The following KPNA1 variants were observed in gnomAD, a reference collection of about 807,000 sequenced individuals.
KPNA1 encodes karyopherin subunit alpha 1, also known as importin subunit alpha-5.
Under a neutral mutation model 70.5 loss-of-function variants are expected in KPNA1, and 10 were observed. The observed-to-expected ratio is 0.14, with a 90% CI of 0.09 to 0.24. The LOEUF is 0.24. Among genes scored for constraint, KPNA1 ranks in the 10% least tolerant of loss-of-function variants. KPNA1 has a pLI of 1.00. For synonymous variants in KPNA1, 192 were observed against 221.9 expected (o/e 0.87, Z 1.20); for missense variants, 397 against 637.9 (o/e 0.62, Z 4.07).
At chr3:122,478,894 C>CAAAAAAAAA (rs57843662) in intron 2 of KPNA1, among the ~76,000 whole-genome samples, 13 of 18,674 alleles carry the variant, frequency 7.0e-4, no homozygotes, top group Admixed American at 1.7e-3. Flanking sequence ...AACCTCGTCT[C>CAAAAAAAAA]AAAAAAAAAA....
chr3:122,496,196 G>A, intron 2 of KPNA1, among the ~76,000 whole-genome samples: 1 of 152,042 alleles, frequency 6.6e-6, no homozygotes, highest in East Asian at 1.9e-4. Context: ...TGAAAATATT[G>A]AATAGTGTAG....
chr3:122,452,179 A>T (rs1001313519), intron 6 of KPNA1, 115 bp from the exon 7 acceptor site: 5 of 763,376 alleles, frequency 6.5e-6, no homozygotes, highest in Non-Finnish European at 1.2e-5. Flanking sequence ...AAACAGTTGT[A>T]GGATTGGGGG....
At chr3:122,434,070 G>A (rs1445828568) in intron 11 of KPNA1, among the ~76,000 whole-genome samples, 1 of 152,050 alleles carries the variant, frequency 6.6e-6, no homozygotes, top group Non-Finnish European at 1.5e-5. Context: ...CCGGGTAGCT[G>A]GGACTACAGG....
intron 12 of KPNA1, chr3:122,433,370 T>C: frequency 3.8e-6 from 1 of 266,606 alleles, no homozygotes; most frequent in Admixed American, 5.3e-5. Flanking sequence ...AGCAAGGATT[T>C]CTATTGCCTC....
At chr3:122,498,502 A>G (rs1046158593) in intron 1 of KPNA1, among the ~76,000 whole-genome samples, 4 of 152,182 alleles carry the variant, frequency 2.6e-5, no homozygotes, top group Non-Finnish European at 4.4e-5. Context: ...CTGGTATTTC[A>G]TTACAGCAAC....
chr3:122,446,116 G>A (rs187739934), intron 9 of KPNA1, among the ~76,000 whole-genome samples: 7 of 152,196 alleles, frequency 4.6e-5, no homozygotes, highest in East Asian at 3.9e-4. Flanking sequence ...AGATCAACAC[G>A]ACAGAAGGTT....
At chr3:122,464,316 C>A (rs111360808) in intron 3 of KPNA1, 5,332 of 300,318 alleles carry the variant, frequency 0.018, 228 homozygotes, top group African/African-American at 0.097. Context: ...TTGCTCATCA[C>A]ATAGCTGGCT....
chr3:122,476,875 A>AC (rs1167675452), intron 2 of KPNA1, among the ~76,000 whole-genome samples: 12 of 150,446 alleles, frequency 8.0e-5, no homozygotes, highest in African/African-American at 2.9e-4. Flanking sequence ...AAAAAAAAAA[A>AC]AAAAAAAAAC....
At chr3:122,488,624 T>G (rs1478060695) in intron 2 of KPNA1, among the ~76,000 whole-genome samples, 1 of 152,254 alleles carries the variant, frequency 6.6e-6, no homozygotes, top group Non-Finnish European at 1.5e-5. Flanking sequence ...ATCCAGGACA[T>G]TATTTTACTT....
At chr3:122,464,302 C>A in intron 3 of KPNA1, 1 of 322,764 alleles carries the variant, frequency 3.1e-6, no homozygotes, top group Non-Finnish European at 5.6e-6. Context: ...TGCTCTTCCC[C>A]TCCTTGCTCA....
At chr3:122,505,700 ACT>A (rs2076883066) in intron 1 of KPNA1, among the ~76,000 whole-genome samples, 1 of 152,134 alleles carries the variant, frequency 6.6e-6, no homozygotes, top group African/African-American at 2.4e-5. Flanking sequence ...ATAGAAACAC[ACT>A]CTTTCAAAGA....
chr3:122,490,612 T>C (rs758359558), intron 2 of KPNA1, among the ~76,000 whole-genome samples: 2 of 152,214 alleles, frequency 1.3e-5, no homozygotes, highest in Non-Finnish European at 2.9e-5. Flanking sequence ...AGAAAACTTC[T>C]TTGCTTTATA....
Position 122,427,306 on chromosome 3 carries a change from A to G in KPNA1, c.1430-134T>C, listed in dbSNP as rs139956187. 1.6e-3 allele frequency: 1,255 copies of G among 772,782 alleles called. 1 individual carries two copies. The highest frequency in any genetic ancestry group is 5.1e-3 in the African/African-American group (288 of 57,020). 47.9% of individuals were successfully genotyped at this position (772,782 alleles called of 1,614,324 possible). On this transcript the variant is annotated intron_variant, in intron 13 of 13. Transcript: ENST00000344337. ...TGTAAAGAAAGATTATTTGTATCTCATAAGTATTTTATAATAGCACAGAAA... is the reference window on the plus strand; with the variant it reads ...TGTAAAGAAAGATTATTTGTATCTCGTAAGTATTTTATAATAGCACAGAAA...
chr3:122,461,521 A>G (rs895056586), intron 4 of KPNA1, among the ~76,000 whole-genome samples: 8 of 152,214 alleles, frequency 5.3e-5, no homozygotes, highest in Non-Finnish European at 1.0e-4. Context: ...ACAAGTCTCA[A>G]TATGAGAATA....
chr3:122,491,850 A>ATTTTTTTTTTTT (rs67916227), intron 2 of KPNA1, among the ~76,000 whole-genome samples: 1 of 64,826 alleles, frequency 1.5e-5, no homozygotes, highest in African/African-American at 5.7e-5. Flanking sequence ...TGACCATCAC[A>ATTTTTTTTTTTT]TTTTTTTTTT....
At chr3:122,510,755 G>A (rs2076946491) in intron 1 of KPNA1, among the ~76,000 whole-genome samples, 1 of 152,142 alleles carries the variant, frequency 6.6e-6, no homozygotes, top group Non-Finnish European at 1.5e-5. Context: ...GCAAACACAA[G>A]AGGAAACAGC....
intron 2 of KPNA1, among the ~76,000 whole-genome samples, chr3:122,494,009 GT>G (rs1028520218): frequency 2.0e-5 from 3 of 151,984 alleles, no homozygotes; most frequent in African/African-American, 4.8e-5. Flanking sequence ...TAATGGAGTT[GT>G]TTTTTTCTTG....
chr3:122,503,990 C>T lies in KPNA1; in HGVS notation c.-5-7420G>A, dbSNP rs149498243. ...GGTGGAACACAGAAGAATTCTAGGG[C>T]AGGAAAACTATTCTGTATGATACAA... On this transcript the variant is annotated intron_variant, in intron 1 of 13. Transcript: ENST00000344337. Among the ~76,000 whole-genome samples the T allele has an allele frequency of 3.4e-3, 524 of 152,238 alleles. 2 individuals carry two copies. The highest frequency in any genetic ancestry group is 0.012 in the African/African-American group (484 of 41,520).
Position 122,476,861 on chromosome 3 carries a change from C to CAAAAAAAAAAA in KPNA1, c.130-9443_130-9433dup, listed in dbSNP as rs144118691. ...TATGAAAAACAGTATGGAGGTTCCACAAAAAAAAAAAAAAAAAAAAAAACT... is the reference window on the plus strand; with the variant it reads ...TATGAAAAACAGTATGGAGGTTCCACAAAAAAAAAAAAAAAAAAAAAAAAAAAAAAAAAACT... On this transcript the variant is annotated intron_variant, in intron 2 of 13. Coordinates refer to ENST00000344337, the MANE Select transcript of KPNA1 (RefSeq NM_002264.4). Among the ~76,000 whole-genome samples the CAAAAAAAAAAA allele has an allele frequency of 3.1e-3, 204 of 65,384 alleles. 1 individual carries two copies. Among genetic ancestry groups the CAAAAAAAAAAA allele is most frequent in the East Asian group, 4.2e-3 (5 of 1,188 alleles). 42.9% of individuals were successfully genotyped at this position (65,384 alleles called of 152,430 possible). A position where few individuals can be genotyped will look rare whatever the true frequency, so the allele number is the denominator to read the frequency against.
Sources: allele counts gnomAD v4.1 joint callset (sites outside exome capture counted in the v4.1 genomes callset), GRCh38; gene constraint gnomAD v4.1.1; transcripts MANE v1.5; gene names NCBI Gene and HGNC (gene_info 2026-07-23, HGNC 2026-07-21).